The following CENPX variants were observed in gnomAD, a reference collection of about 807,000 sequenced individuals.
CENPX encodes centromere protein X.
In CENPX, 13 loss-of-function variants were observed where a neutral mutation model predicts 13.2. The ratio of observed to expected loss-of-function variants is 0.98; its 90% confidence interval spans 0.64 to 1.56. The LOEUF (loss-of-function observed/expected upper bound fraction) is 1.56, where lower values mean the gene tolerates loss of function less well. CENPX is among the 40% of genes most tolerant of loss of function. The probability of loss-of-function intolerance (pLI) is 0.00; values close to 1 mark genes in which losing one functional copy is unlikely to be tolerated. For synonymous variants in CENPX, 66 were observed against 47.2 expected, an observed-to-expected ratio of 1.40 and a Z score of -1.63; for missense variants, 138 against 107.5, an observed-to-expected ratio of 1.28 and a Z score of -1.26.
intron 1 of CENPX, among the ~76,000 whole-genome samples, chr17:82,020,416 C>G (rs2043260955): frequency 6.6e-6 from 1 of 152,202 alleles, no homozygotes; most frequent in Non-Finnish European, 1.5e-5. Context: ...GTTCTGGGTG[C>G]TGGGTCAGCT....
chr17:82,019,341 G>T lies in CENPX; in HGVS notation c.183C>A (p.Asp61Glu), dbSNP rs780858117. Residue 61 changes from aspartate (D) to glutamate (E), a missense_variant, in exon 4 of 5, where the codon GAC becomes GAA. By Grantham distance (45) the Asp-to-Glu change is conservative. Coordinates refer to ENST00000392359, the MANE Select transcript of CENPX (RefSeq NM_001271006.2). ...GCTGGTCCACGTCCACACGGAGCGC[G>T]TCTTCTGCCTGGGCCTGCCGCACGC... is the stretch of plus-strand genomic sequence containing the variant. ...VRGVRQAQAE[D>E]ALRVDVDQLE... The T allele has an allele frequency of 1.9e-6, 3 of 1,577,488 alleles. No individual in the cohort carries two copies. Among genetic ancestry groups the T allele is most frequent in the Non-Finnish European group, 2.6e-6 (3 of 1,163,962 alleles).
chr17:82,019,651 G>C lies in CENPX; in HGVS notation c.132C>G (p.Val44=). ...ALQLMVELLK[V]FVVEAAVRGV... ...GGGCCCTGGGCTCACCCACAACGAA[G>C]ACCTTCAGCAACTCCACCATGAGCT... Residue 44 remains valine, a synonymous_variant, in exon 3 of 5, where the codon GTC becomes GTG. Transcript: ENST00000392359. 2 of 1,550,314 alleles carry C rather than the reference G, an allele frequency of 1.3e-6. No individual in the cohort carries two copies. Among genetic ancestry groups the C allele is most frequent in the Non-Finnish European group, 1.7e-6 (2 of 1,146,962 alleles).
Position 82,019,363 on chromosome 17 carries a change from A to G in CENPX, c.161T>C (p.Val54Ala), listed in dbSNP as rs909402906. The change falls in exon 4 of 5, where the codon GTG becomes GCG. Residue 54 changes from valine to alanine, a missense_variant. Physicochemically the swap from Val to Ala is moderately conservative, Grantham distance 64 (BLOSUM62 0). Transcript: ENST00000392359. ...CGCGTCTTCTGCCTGGGCCTGCCGCACGCCGCGGACTGCTGCTTCTGCGGT... is the reference window on the plus strand; with the variant it reads ...CGCGTCTTCTGCCTGGGCCTGCCGCGCGCCGCGGACTGCTGCTTCTGCGGT... ...VFVVEAAVRG[V>A]RQAQAEDALR... The G allele has an allele frequency of 6.4e-6, 10 of 1,559,400 alleles. No homozygotes were observed. Among genetic ancestry groups the G allele is most frequent in the Non-Finnish European group, 8.7e-6 (10 of 1,154,286 alleles).
rs761608062 is a variant in CENPX, at chr17:82,019,886, G to T, written c.60C>A (p.His20Gln). Reference sequence around the variant, plus strand: ...TGGTCTTGTCATCCTTGAAGTGCAGGTGCAGCAGCCTGCTCACCAGCTCCT... The same window carrying T: ...TGGTCTTGTCATCCTTGAAGTGCAGTTGCAGCAGCCTGCTCACCAGCTCCT... The part of the protein sequence containing the change: ...FRKELVSRLL[H>Q]LHFKDDKTKV... The change falls in exon 2 of 5, where the codon CAC (histidine) becomes CAA (glutamine). Residue 20 changes from histidine (H) to glutamine (Q), a missense_variant. Coordinates refer to ENST00000392359, the MANE Select transcript of CENPX (RefSeq NM_001271006.2). 1.2e-6 allele frequency: 2 copies of T among 1,600,330 alleles called. No individual in the cohort carries two copies. The highest frequency in any genetic ancestry group is 8.5e-7 in the Non-Finnish European group (1 of 1,170,902).
chr17:82,020,013 G>T, intron 1 of CENPX, 104 bp from the exon 2 acceptor site: 1 of 1,100,574 alleles, frequency 9.1e-7, no homozygotes, highest in Non-Finnish European at 1.3e-6. Context: ...GGCTGGAGAC[G>T]CCCTCTGTGC....
At chr17:82,020,081 C>G (rs1340077287) in intron 1 of CENPX, among the ~76,000 whole-genome samples, 172 bp from the exon 2 acceptor site, 1 of 152,186 alleles carries the variant, frequency 6.6e-6, no homozygotes, top group Non-Finnish European at 1.5e-5. Flanking sequence ...GTGGCAGAAG[C>G]TGAAGCAGAT....
Position 82,019,369 on chromosome 17 carries a change from C to T in CENPX, c.155G>A (p.Arg52His), listed in dbSNP as rs201503698. 11 of 1,555,028 alleles carry T rather than the reference C, an allele frequency of 7.1e-6. No individual in the cohort carries two copies. The highest frequency in any genetic ancestry group is 1.4e-5 in the African/African-American group (1 of 73,980). The change falls in exon 4 of 5, where the codon CGC becomes CAC. Residue 52 changes from arginine (R) to histidine (H), a missense_variant. Arg to His is a conservative substitution (Grantham distance 29). Transcript: ENST00000392359. Reference protein sequence around the residue: ...LKVFVVEAAVRGVRQAQAEDA... With the variant: ...LKVFVVEAAVHGVRQAQAEDA... ...TTCTGCCTGGGCCTGCCGCACGCCG[C>T]GGACTGCTGCTTCTGCGGTGAGAAA...
rs570117607 is a variant in CENPX, at chr17:82,019,133, G to T, written c.*72C>A. The T allele has an allele frequency of 8.7e-6, 13 of 1,490,616 alleles. No individual in the cohort carries two copies. The highest frequency in any genetic ancestry group is 4.2e-5 in the South Asian group (3 of 71,446). 92.3% of individuals were successfully genotyped at this position (1,490,616 alleles called of 1,614,324 possible). ...CCTTCCCTGCCTCTTATCAGAGGCCGCTGGAAACACAAGGCCTGCTTCTGT... is the reference window on the plus strand; with the variant it reads ...CCTTCCCTGCCTCTTATCAGAGGCCTCTGGAAACACAAGGCCTGCTTCTGT... On this transcript the variant is annotated 3_prime_UTR_variant, in exon 5 of 5. Coordinates refer to ENST00000392359, the MANE Select transcript of CENPX (RefSeq NM_001271006.2).
chr17:82,022,491 G>C, intron 1 of CENPX: 1 of 468,792 alleles, frequency 2.1e-6, no homozygotes, highest in Non-Finnish European at 3.8e-6. Flanking sequence ...CTTAACAAAA[G>C]ACCCCAGGCT....
intron 1 of CENPX, among the ~76,000 whole-genome samples, chr17:82,021,929 G>A (rs2043292719): frequency 6.6e-6 from 1 of 152,122 alleles, no homozygotes; most frequent in East Asian, 1.9e-4. Context: ...GATAAAGAAG[G>A]GCCTGATTCA....
At position 82,022,546 on chromosome 17, in the gene CENPX, C is replaced by T. The variant is rs2043307097; in HGVS notation, c.36+280G>A. The T allele has an allele frequency of 7.2e-6, 4 of 554,134 alleles. No homozygotes were observed. The Admixed American group carries it at 1.3e-4, about 19-fold the overall frequency. The allele number at this position is 554,134 out of a possible 1,614,324, so 34.3% of individuals were successfully genotyped here. The stretch of plus-strand genomic sequence containing the variant: ...CCAGCTCCTCCTCTCTCTTCGCCGG[C>T]TTGGACTCCGCCGTGACGGCGCCCA... On this transcript the variant is annotated intron_variant, in intron 1 of 4. Transcript: ENST00000392359.
intron 2 of CENPX, 54 bp downstream of exon 2, chr17:82,019,804 G>A (rs1256712139): frequency 2.5e-6 from 4 of 1,582,790 alleles, no homozygotes; most frequent in East Asian, 4.6e-5. Flanking sequence ...TGCAGGAAAG[G>A]GTCCCTGAGG....
intron 1 of CENPX, among the ~76,000 whole-genome samples, chr17:82,021,590 C>T (rs536953865): frequency 1.2e-3 from 186 of 152,316 alleles, no homozygotes; most frequent in East Asian, 2.3e-3. Context: ...ATGACGTGGG[C>T]GCCACGCCAG....
At chr17:82,021,628 T>C (rs4077073) in intron 1 of CENPX, among the ~76,000 whole-genome samples, 107,154 of 152,156 alleles carry the variant, frequency 0.7, 38,620 homozygotes, top group African/African-American at 0.79. Context: ...TCCCCGTCAT[T>C]CTCACGCTCA....
intron 3 of CENPX, 27 bp downstream of exon 3, chr17:82,019,614 C>G (rs558315539): frequency 1.8e-5 from 28 of 1,550,120 alleles, no homozygotes; most frequent in Non-Finnish European, 2.4e-5. Context: ...ATGCTGTGCC[C>G]GGAGGGAGCG....
chr17:82,021,119 C>T (rs1188711009), intron 1 of CENPX, among the ~76,000 whole-genome samples: 1 of 152,232 alleles, frequency 6.6e-6, no homozygotes, highest in Non-Finnish European at 1.5e-5. Flanking sequence ...GGTCACAGCA[C>T]CTCACCCAGA....
intron 3 of CENPX, 29 bp downstream of exon 3, chr17:82,019,612 C>T (rs1253935541): frequency 1.3e-6 from 2 of 1,550,218 alleles, no homozygotes; most frequent in African/African-American, 1.4e-5. Flanking sequence ...GGATGCTGTG[C>T]CCGGAGGGAG....
chr17:82,022,095 T>C (rs1262532294), intron 1 of CENPX, among the ~76,000 whole-genome samples: 2 of 152,090 alleles, frequency 1.3e-5, no homozygotes, highest in East Asian at 1.9e-4. Flanking sequence ...GGTAGAGCAG[T>C]AGAAAGGTTC....
chr17:82,020,476 C>G (rs772513342), intron 1 of CENPX, among the ~76,000 whole-genome samples: 1 of 152,212 alleles, frequency 6.6e-6, no homozygotes, highest in Admixed American at 6.5e-5. Context: ...TGCTGGTGTC[C>G]TGGGAGCGCA....
Sources: allele counts gnomAD v4.1 joint callset (sites outside exome capture counted in the v4.1 genomes callset), GRCh38; gene constraint gnomAD v4.1.1; transcripts MANE v1.5; gene names NCBI Gene and HGNC (gene_info 2026-07-23, HGNC 2026-07-21).